Variants in ADGRL2 observed in about 807,000 individuals in gnomAD.
The protein encoded by ADGRL2 is calcium-independent alpha-latrotoxin receptor 2.
A neutral mutation model predicts 157.4 loss-of-function variants in ADGRL2; 44 were observed. The ratio of observed to expected loss-of-function variants is 0.28; its 90% confidence interval spans 0.22 to 0.36. The LOEUF is 0.36. Among genes scored for constraint, ADGRL2 ranks in the 10% least tolerant of loss-of-function variants. The pLI is 1.00. For missense variants in ADGRL2, 1,510 were observed against 1,768.9 expected, an observed-to-expected ratio of 0.85 and a Z score of 2.63; for synonymous variants, 585 against 624.7, an observed-to-expected ratio of 0.94 and a Z score of 0.95.
At chr1:81,429,309 T>C (rs2077277546) in intron 1 of ADGRL2, among the ~76,000 whole-genome samples, 1 of 152,104 alleles carries the variant, frequency 6.6e-6, no homozygotes, top group South Asian at 2.1e-4. Context: ...CCAAGATACT[T>C]GTACTCTAAG....
chr1:81,941,540 T>C (rs1648007427), intron 4 of ADGRL2, among the ~76,000 whole-genome samples: 1 of 151,702 alleles, frequency 6.6e-6, no homozygotes, highest in Non-Finnish European at 1.5e-5. Flanking sequence ...CAAAATTAAG[T>C]TGTGATTTTT....
intron 2 of ADGRL2, among the ~76,000 whole-genome samples, chr1:81,852,999 A>T (rs1031302715): frequency 6.6e-6 from 1 of 152,182 alleles, no homozygotes; most frequent in Non-Finnish European, 1.5e-5. Flanking sequence ...CTGTCAGGTC[A>T]TTCCAAGAGC....
At chr1:81,582,948 C>T (rs1192912809) in intron 3 of ADGRL2, among the ~76,000 whole-genome samples, 1 of 152,130 alleles carries the variant, frequency 6.6e-6, no homozygotes, top group Admixed American at 6.6e-5. Flanking sequence ...CACTCTCTCC[C>T]ACATCTGATT....
At chr1:81,491,744 T>C (rs1553169846) in intron 2 of ADGRL2, among the ~76,000 whole-genome samples, 1 of 152,160 alleles carries the variant, frequency 6.6e-6, no homozygotes, top group Non-Finnish European at 1.5e-5. Flanking sequence ...TCTACGGTGG[T>C]GGGTGCTGCT....
chr1:81,529,213 G>A (rs928182499), intron 2 of ADGRL2, among the ~76,000 whole-genome samples: 2 of 152,206 alleles, frequency 1.3e-5, no homozygotes, highest in Admixed American at 6.5e-5. Flanking sequence ...CCCCACAAGG[G>A]GAGGTGCATG....
chr1:81,663,265 C>A (rs536624344), intron 3 of ADGRL2, among the ~76,000 whole-genome samples: 138 of 152,178 alleles, frequency 9.1e-4, no homozygotes, highest in African/African-American at 3.2e-3. Context: ...TTTTCCTTTT[C>A]TTTTTCTGAG....
chr1:81,481,540 G>C lies in ADGRL2; in HGVS notation c.-248+36451G>C, dbSNP rs1276040332. On this transcript the variant is annotated intron_variant, in intron 2 of 24. Coordinates refer to the ADGRL2 transcript ENST00000370721. ...AGGACCAGCTTCAGCTGTGAGCCTT[G>C]CTCTCCCTGATTTGGGGGAAGACCA... Among the ~76,000 whole-genome samples, 4 of 152,178 alleles carry C rather than the reference G, an allele frequency of 2.6e-5. No homozygotes were observed. In the South Asian group the frequency reaches 8.3e-4, roughly 31 times the overall value.
chr1:81,682,567 C>T (rs966873634), intron 3 of ADGRL2, among the ~76,000 whole-genome samples: 3 of 152,018 alleles, frequency 2.0e-5, no homozygotes, highest in Non-Finnish European at 4.4e-5. Context: ...ATTCTTCTAC[C>T]CTGTGGTGTG....
At chr1:81,931,578 T>C (rs943019555) in intron 3 of ADGRL2, among the ~76,000 whole-genome samples, 1 of 152,200 alleles carries the variant, frequency 6.6e-6, no homozygotes, top group Non-Finnish European at 1.5e-5. Flanking sequence ...AATGATTATA[T>C]GTTTAGAATT....
At chr1:81,326,810 A>G (rs1021987196) in intron 1 of ADGRL2, among the ~76,000 whole-genome samples, 1 of 152,218 alleles carries the variant, frequency 6.6e-6, no homozygotes, top group Non-Finnish European at 1.5e-5. Flanking sequence ...CTTTCAGACC[A>G]TTACATCCTG....
chr1:81,413,101 C>T (rs907632896), intron 1 of ADGRL2, among the ~76,000 whole-genome samples: 2 of 152,128 alleles, frequency 1.3e-5, no homozygotes, highest in Non-Finnish European at 2.9e-5. Flanking sequence ...TAATTACCTT[C>T]GAATTACCAG....
upstream of ADGRL2, among the ~76,000 whole-genome samples, chr1:81,698,332 T>A (rs2083486288): frequency 6.6e-6 from 1 of 152,218 alleles, no homozygotes; most frequent in Non-Finnish European, 1.5e-5. Context: ...CACATGTATG[T>A]GCATACCATG....
intron 2 of ADGRL2, among the ~76,000 whole-genome samples, chr1:81,497,243 C>G (rs1183819857): frequency 6.6e-6 from 1 of 152,148 alleles, no homozygotes; most frequent in African/African-American, 2.4e-5. Context: ...TCTTGGTTCC[C>G]CATTTCCTTT....
intron 1 of ADGRL2, among the ~76,000 whole-genome samples, chr1:81,756,809 A>C (rs2085706384): frequency 6.6e-6 from 1 of 152,180 alleles, no homozygotes; most frequent in Non-Finnish European, 1.5e-5. Context: ...TGACTTCTTA[A>C]ATTTTAGACA....
chr1:81,659,219 G>A (rs1291937525), intron 3 of ADGRL2, among the ~76,000 whole-genome samples: 5 of 151,650 alleles, frequency 3.3e-5, no homozygotes, highest in African/African-American at 9.7e-5. Context: ...GCACCATCAC[G>A]GCCGGCTGAT....
intron 3 of ADGRL2, among the ~76,000 whole-genome samples, chr1:81,651,312 T>C (rs551610760): frequency 1.2e-3 from 176 of 152,284 alleles, no homozygotes; most frequent in Non-Finnish European, 1.8e-3. Context: ...TCTAATAGCA[T>C]TTAAGTATCA....
At chr1:81,642,473 C>T (rs1279175336) in intron 3 of ADGRL2, among the ~76,000 whole-genome samples, 2 of 150,632 alleles carry the variant, frequency 1.3e-5, no homozygotes, top group Non-Finnish European at 3.0e-5. Context: ...CACAACCTGC[C>T]AAAACTCATA....
chr1:81,528,646 C>CA lies in ADGRL2; in HGVS notation c.-247-52201dup, dbSNP rs59842382. 9.5e-3 allele frequency among the ~76,000 whole-genome samples: 1,081 copies of CA among 114,228 alleles called. 59 individuals carry two copies. Among genetic ancestry groups the CA allele is most frequent in the African/African-American group, 0.013 (340 of 26,356 alleles). 74.9% of individuals were successfully genotyped at this position (114,228 alleles called of 152,430 possible). A position where few individuals can be genotyped will look rare whatever the true frequency, so the allele number is the denominator to read the frequency against. On this transcript the variant is annotated intron_variant, in intron 2 of 24. Coordinates refer to the ADGRL2 transcript ENST00000370721. ...TGGGCAAAAAAGTGAGACTCCATCT[C>CA]AAAAAAAAAAAAAAAAAAAAAAAAA...
chr1:81,648,349 A>G (rs2082352190), intron 3 of ADGRL2, among the ~76,000 whole-genome samples: 1 of 152,158 alleles, frequency 6.6e-6, no homozygotes, highest in East Asian at 1.9e-4. Flanking sequence ...TGGGATTCAA[A>G]CTCACAACTC....
Sources: gnomAD v4.1 joint callset for allele counts (sites outside exome capture counted in the v4.1 genomes callset) on GRCh38, gnomAD v4.1.1 for gene constraint, MANE v1.5 for transcripts, NCBI Gene and HGNC (gene_info 2026-07-23, HGNC 2026-07-21) for gene names.